Variants in TTC34 observed in about 807,000 individuals in gnomAD.
TTC34 encodes tetratricopeptide repeat domain 34, also known as tetratricopeptide repeat protein 34.
Under a neutral mutation model 40.7 loss-of-function variants are expected in TTC34, and 44 were observed. That is an observed-to-expected ratio of 1.08 (90% CI 0.85 to 1.39). The LOEUF is 1.39. Ranked by LOEUF, TTC34 falls within the 40% of genes most tolerant of loss-of-function variation. TTC34 has a pLI of 0.00. For synonymous variants in TTC34, 422 were observed against 398.6 expected (o/e 1.06, Z -0.70); for missense variants, 884 against 838.0 (o/e 1.05, Z -0.68).
At chr1:2,683,180 G>C (rs1261848777) in intron 6 of TTC34, among the ~76,000 whole-genome samples, 1 of 66,112 alleles carries the variant, frequency 1.5e-5, no homozygotes, top group Non-Finnish European at 3.3e-5. Context: ...AGCCTGGAGC[G>C]GAACCCACGG....
At chr1:2,788,950 G>A (rs912312095) in intron 3 of TTC34, among the ~76,000 whole-genome samples, 1 of 152,120 alleles carries the variant, frequency 6.6e-6, no homozygotes, top group Non-Finnish European at 1.5e-5. Context: ...GATTAGCTGG[G>A]CGTGGTGATC....
At chr1:2,778,392 G>A (rs1164133312) in intron 6 of TTC34, among the ~76,000 whole-genome samples, 1 of 152,196 alleles carries the variant, frequency 6.6e-6, no homozygotes, top group Non-Finnish European at 1.5e-5. Flanking sequence ...CTGCCTCAGG[G>A]CAGGTCTCCC....
intron 2 of TTC34, among the ~76,000 whole-genome samples, chr1:2,794,287 A>G (rs1343541837): frequency 1.3e-5 from 2 of 152,204 alleles, no homozygotes; most frequent in South Asian, 2.1e-4. Context: ...GATTACAGGC[A>G]TGAGCCACTG....
chr1:2,764,240 C>A (rs1410724106), intron 6 of TTC34, among the ~76,000 whole-genome samples: 1 of 149,782 alleles, frequency 6.7e-6, no homozygotes, highest in Admixed American at 6.6e-5. Context: ...GAGCATCTGA[C>A]AGCCTGGAGC....
At chr1:2,777,774 A>T (rs191191701) in intron 6 of TTC34, among the ~76,000 whole-genome samples, 38 of 151,076 alleles carry the variant, frequency 2.5e-4, no homozygotes, top group African/African-American at 9.0e-4. Flanking sequence ...TCCTACCGTC[A>T]CTCCCACATG....
chr1:2,749,718 C>G (rs1385952145), intron 6 of TTC34, among the ~76,000 whole-genome samples: 4 of 89,330 alleles, frequency 4.5e-5, no homozygotes, highest in Admixed American at 1.1e-4. Flanking sequence ...TGGAACAGCA[C>G]GCACAACCCC....
exon 9 of TTC34, chr1:2,637,234 A>G (rs1638812112): frequency 6.6e-6 from 1 of 152,160 alleles, no homozygotes; most frequent in Admixed American, 6.5e-5. Flanking sequence ...AAAGATAGGT[A>G]CATGTAAAAT....
chr1:2,756,867 CT>C (rs1641524149), intron 6 of TTC34, among the ~76,000 whole-genome samples: 1 of 109,586 alleles, frequency 9.1e-6, no homozygotes, highest in Non-Finnish European at 2.3e-5. Flanking sequence ...GCACCCACAC[CT>C]CCAGGTGAGC....
rs1175369718 is a variant in TTC34, at chr1:2,641,222, G to GT, written c.*145dup. The GT allele has an allele frequency of 1.5e-5, 13 of 850,132 alleles. No individual in the cohort carries two copies. The East Asian group carries it at 3.8e-4, about 25-fold the overall frequency. 52.7% of individuals were successfully genotyped at this position (850,132 alleles called of 1,614,324 possible). On this transcript the variant is annotated 3_prime_UTR_variant, in exon 9 of 9. Coordinates refer to ENST00000401095, the Ensembl canonical transcript of TTC34. ...GTTGTGGGGAGGGTTGGGAAGGGGT[G>GT]TGTGGGGAGGGCTGGGAAGGGGGTG...
chr1:2,685,927 T>G (rs1217789432), intron 6 of TTC34, among the ~76,000 whole-genome samples: 3 of 117,896 alleles, frequency 2.5e-5, no homozygotes, highest in African/African-American at 7.0e-5. Context: ...CACCCCCAGG[T>G]GAGCATGTGA....
At chr1:2,778,007 A>G in intron 6 of TTC34, among the ~76,000 whole-genome samples, 1 of 152,188 alleles carries the variant, frequency 6.6e-6, no homozygotes, top group East Asian at 1.9e-4. Context: ...AGTGCAGGAA[A>G]GGGCAGGCAG....
At chr1:2,637,067 G>A (rs974179734) in exon 9 of TTC34, 1 of 152,208 alleles carries the variant, frequency 6.6e-6, no homozygotes, top group Non-Finnish European at 1.5e-5. Flanking sequence ...TTCCCGACCT[G>A]AAGTCAGGTG....
intron 6 of TTC34, among the ~76,000 whole-genome samples, chr1:2,676,923 C>G (rs1639924618): frequency 1.5e-5 from 2 of 135,766 alleles, no homozygotes; most frequent in African/African-American, 2.7e-5. Flanking sequence ...GAGCAGCACC[C>G]ACACCCCCAG....
At chr1:2,789,570 C>T in exon 3 of TTC34, 2 of 1,483,920 alleles carry the variant, frequency 1.3e-6, no homozygotes, top group Admixed American at 4.5e-5. Flanking sequence ...GACGGCCCGG[C>T]GCGTGGAGAT....
At chr1:2,750,690 C>G (rs1487090066) in intron 6 of TTC34, among the ~76,000 whole-genome samples, 481 of 7,330 alleles carry the variant, frequency 0.066, no homozygotes, top group Admixed American at 0.12. Context: ...CCTGCACCCC[C>G]AAGTGAGCAT....
chr1:2,675,103 C>T (rs1234809226), intron 6 of TTC34, among the ~76,000 whole-genome samples: 2 of 124,358 alleles, frequency 1.6e-5, no homozygotes, highest in Non-Finnish European at 3.6e-5. Flanking sequence ...ATCTGACAGC[C>T]TGGAGCAGTG....
rs1398088376 is a variant in TTC34 at position 2,748,884 on chromosome 1, C to T, written c.2226+34725G>A. 1.5e-5 allele frequency among the ~76,000 whole-genome samples: 2 copies of T among 130,966 alleles called. 1 individual carries two copies. The highest frequency in any genetic ancestry group is 6.5e-5 in the African/African-American group (2 of 30,722). The allele number at this position is 130,966 out of a possible 152,430, so 85.9% of individuals were successfully genotyped here. ...TGCTTTGGAGCAGCACCCACACCTT[C>T]AGGTGAGCATCTGACAGCCTGGAAC... On this transcript the variant is annotated intron_variant, in intron 6 of 8. Coordinates refer to ENST00000401095, the Ensembl canonical transcript of TTC34.
intron 6 of TTC34, among the ~76,000 whole-genome samples, chr1:2,647,417 G>C (rs545626950): frequency 1.3e-5 from 2 of 152,242 alleles, no homozygotes; most frequent in African/African-American, 4.8e-5. Flanking sequence ...GAGGTCAGGA[G>C]ATCGAGACCA....
intron 6 of TTC34, among the ~76,000 whole-genome samples, chr1:2,781,765 G>T (rs1184770510): frequency 6.6e-6 from 1 of 152,188 alleles, no homozygotes; most frequent in Non-Finnish European, 1.5e-5. Flanking sequence ...TTCTGCATCA[G>T]TTGAGATGAT....
Sources: allele counts gnomAD v4.1 joint callset (sites outside exome capture counted in the v4.1 genomes callset), GRCh38; gene constraint gnomAD v4.1.1; transcripts MANE v1.5; gene names NCBI Gene and HGNC (gene_info 2026-07-23, HGNC 2026-07-21).